The following AIG1 variants were observed in gnomAD, a reference collection of about 807,000 sequenced individuals.
AIG1 encodes the protein androgen induced 1.
In AIG1, 23 loss-of-function variants were observed where a neutral mutation model predicts 31.4. The ratio of observed to expected loss-of-function variants is 0.73; its 90% CI spans 0.53 to 1.04. The LOEUF (loss-of-function observed/expected upper bound fraction) is 1.04, where lower values mean the gene tolerates loss of function less well. Ranked by LOEUF, AIG1 falls within the 50% of genes least tolerant of loss-of-function variation. The probability of loss-of-function intolerance (pLI) is 0.00; values close to 1 mark genes in which losing one functional copy is unlikely to be tolerated. For synonymous variants in AIG1, 100 were observed against 110.5 expected (o/e 0.90, Z 0.60); for missense variants, 274 against 295.0 (o/e 0.93, Z 0.52).
At chr6:143,217,947 T>C (rs9484711) in intron 3 of AIG1, among the ~76,000 whole-genome samples, 2,236 of 152,354 alleles carry the variant, frequency 0.015, 62 homozygotes, top group African/African-American at 0.051. Context: ...CAATGCCCCA[T>C]GCCATGCTTG....
chr6:143,311,061 T>C (rs758844021), intron 4 of AIG1, among the ~76,000 whole-genome samples: 1 of 151,834 alleles, frequency 6.6e-6, no homozygotes, highest in Non-Finnish European at 1.5e-5. Context: ...TTTCAGAAAA[T>C]AGAAGCAGAG....
chr6:143,068,475 C>G (rs1183288027), intron 1 of AIG1, among the ~76,000 whole-genome samples: 1 of 152,222 alleles, frequency 6.6e-6, no homozygotes, highest in Non-Finnish European at 1.5e-5. Context: ...ACCACTTGAT[C>G]AGATCCATTG....
chr6:143,289,778 G>A (rs1028682623), intron 4 of AIG1, among the ~76,000 whole-genome samples: 2 of 152,076 alleles, frequency 1.3e-5, no homozygotes, highest in East Asian at 1.9e-4. Context: ...ATAAAAATAA[G>A]AGTGTACTCA....
In AIG1 at chr6:143,327,240, G is replaced by A. The variant is rs764983159; in HGVS notation, c.516-6042G>A. On this transcript the variant is annotated intron_variant, in intron 4 of 5. Transcript: ENST00000357847. This position sits in a 1 kb window ranked among gnomAD's most constrained non-coding sequence, Gnocchi z 5.3. ...AGACAAGCTAATGGATTGGACAATC[G>A]CTACACTCTTCCTTTCCAACTTGGG... is the stretch of plus-strand genomic sequence containing the variant. 6.5e-5 allele frequency: 13 copies of A among 199,334 alleles called. No individual in the cohort carries two copies. The highest frequency in any genetic ancestry group is 3.1e-4 in the East Asian group (2 of 6,402). 12.3% of individuals were successfully genotyped at this position (199,334 alleles called of 1,614,324 possible).
rs899357600 is a variant in AIG1 at position 143,331,408 on chromosome 6, C to T, written c.516-1874C>T. Among the ~76,000 whole-genome samples, 1 of 152,108 alleles carries T rather than the reference C, an allele frequency of 6.6e-6. No individual in the cohort carries two copies. Among genetic ancestry groups the T allele is most frequent in the Non-Finnish European group, 1.5e-5 (1 of 68,024 alleles). ...CTGATAGATACCATGCTTTCTGTCT[C>T]TGTGAAATTGCCTATTCTAGGTACC... On this transcript the variant is annotated intron_variant, in intron 4 of 5. Coordinates refer to ENST00000357847, the MANE Select transcript of AIG1 (RefSeq NM_016108.4). This position sits in a 1 kb window ranked among gnomAD's most constrained non-coding sequence, Gnocchi z 4.1.
intron 1 of AIG1, among the ~76,000 whole-genome samples, chr6:143,101,139 G>A (rs1780239406): frequency 6.6e-6 from 1 of 151,840 alleles, no homozygotes; most frequent in Admixed American, 6.6e-5. Context: ...GTTTATTAAA[G>A]TGAGATGTCA....
At chr6:143,217,259 A>G (rs1477079723) in intron 3 of AIG1, among the ~76,000 whole-genome samples, 3 of 152,004 alleles carry the variant, frequency 2.0e-5, no homozygotes, top group Non-Finnish European at 4.4e-5. Context: ...TGTTGTGTTA[A>G]TGATGTTCAG....
In AIG1 at chr6:143,268,262, C is replaced by T. The variant is rs1796287332; in HGVS notation, c.400-15848C>T. 6.6e-6 allele frequency among the ~76,000 whole-genome samples: 1 copy of T among 152,134 alleles called. No individual in the cohort carries two copies. The highest frequency in any genetic ancestry group is 6.5e-5 in the Admixed American group (1 of 15,276). ...TGGAGCTCAGAGCATGTTTCTTCCT[C>T]CAGCCCCCTTCCCCGTTGCTCTGCC... On this transcript the variant is annotated intron_variant, in intron 3 of 5. Transcript: ENST00000357847. This position sits in a 1 kb window ranked among gnomAD's most constrained non-coding sequence, Gnocchi z 5.0.
intron 3 of AIG1, among the ~76,000 whole-genome samples, chr6:143,194,722 C>T (rs748308419): frequency 1.3e-5 from 2 of 152,194 alleles, no homozygotes; most frequent in African/African-American, 2.4e-5. Flanking sequence ...AGAACCTGAA[C>T]GTGTGCTTGA....
chr6:143,221,039 G>C (rs143172906), intron 3 of AIG1, among the ~76,000 whole-genome samples: 12 of 152,194 alleles, frequency 7.9e-5, no homozygotes, highest in African/African-American at 2.9e-4. Flanking sequence ...CAAATACCTA[G>C]TAAGTCAAGC....
intron 1 of AIG1, among the ~76,000 whole-genome samples, chr6:143,136,113 TG>T (rs531452175): frequency 6.6e-6 from 1 of 152,016 alleles, no homozygotes; most frequent in East Asian, 1.9e-4. Flanking sequence ...GTAGTTTTTT[TG>T]GGGGGGCGGT....
At chr6:143,164,777 A>G (rs756609307) in intron 2 of AIG1, among the ~76,000 whole-genome samples, 7 of 152,202 alleles carry the variant, frequency 4.6e-5, no homozygotes, top group Non-Finnish European at 7.3e-5. Context: ...GAGAGGAATC[A>G]AACCAGCACA....
At chr6:143,126,116 C>A (rs1175960664) in intron 1 of AIG1, 1 of 152,174 alleles carries the variant, frequency 6.6e-6, no homozygotes, top group Non-Finnish European at 1.5e-5. Flanking sequence ...TCGGTCATTA[C>A]AGTGAGAAGT....
At chr6:143,250,052 C>T (rs1794905098) in intron 3 of AIG1, among the ~76,000 whole-genome samples, 1 of 152,220 alleles carries the variant, frequency 6.6e-6, no homozygotes, top group Non-Finnish European at 1.5e-5. Context: ...CACCATGGGG[C>T]CTCTAAGCAT....
chr6:143,159,581 GTCATGCTTTTAGGAATGAA>G (rs1206636179), intron 2 of AIG1, among the ~76,000 whole-genome samples: 1 of 152,206 alleles, frequency 6.6e-6, no homozygotes, highest in Non-Finnish European at 1.5e-5. Flanking sequence ...GGAATTCCAT[GTCATGCTTTTAGGAATGAA>G]TCCTAGAAAC....
At chr6:143,102,431 A>C (rs924378450) in intron 1 of AIG1, among the ~76,000 whole-genome samples, 1 of 148,312 alleles carries the variant, frequency 6.7e-6, no homozygotes, top group African/African-American at 2.4e-5. Flanking sequence ...ATTAAATGGA[A>C]ATGCATTGTT....
chr6:143,286,888 A>T (rs776858457), intron 4 of AIG1, among the ~76,000 whole-genome samples: 53 of 151,006 alleles, frequency 3.5e-4, no homozygotes, highest in Non-Finnish European at 6.0e-4. Flanking sequence ...AGAGTAGAGA[A>T]AGTAAGGGAT....
rs190589546 is a variant in AIG1, at chr6:143,334,128, G to A, written c.679+683G>A. The A allele has an allele frequency of 2.7e-5, 42 of 1,548,178 alleles. 1 individual carries two copies. The Admixed American group carries it at 7.9e-4, about 29-fold the overall frequency. On this transcript the variant is annotated intron_variant, in intron 5 of 5. Coordinates refer to ENST00000357847, the MANE Select transcript of AIG1 (RefSeq NM_016108.4). This position sits in a 1 kb window ranked among gnomAD's most constrained non-coding sequence, Gnocchi z 5.1. ...ATCTTATCCAAGCTGTGCAAAACCT[G>A]TCCAAAGTGTATGTACAATAACATA...
intron 1 of AIG1, among the ~76,000 whole-genome samples, chr6:143,066,046 C>G (rs975922427): frequency 6.6e-6 from 1 of 152,108 alleles, no homozygotes; most frequent in African/African-American, 2.4e-5. Flanking sequence ...ACTCAAAGTG[C>G]GGGCTGAGGA....
Sources: allele counts gnomAD v4.1 joint callset (sites outside exome capture counted in the v4.1 genomes callset), GRCh38; gene constraint gnomAD v4.1.1; non-coding constraint Gnocchi (gnomAD v3.1); transcripts MANE v1.5; gene names NCBI Gene and HGNC (gene_info 2026-07-23, HGNC 2026-07-21).